The following CHRDL1 variants were observed in gnomAD, a reference collection of about 807,000 sequenced individuals.
CHRDL1 encodes chordin like 1, also known as chordin-like protein 1.
CHRDL1 carries 19 observed loss-of-function variants against 40.9 expected under a neutral mutation model. The observed-to-expected ratio is 0.46, with a 90% CI of 0.32 to 0.68. CHRDL1 has a LOEUF of 0.68. CHRDL1 is among the 30% of genes least tolerant of loss of function. The pLI, the probability that CHRDL1 is intolerant of heterozygous loss-of-function variation, is 0.03. For missense variants in CHRDL1, 329 were observed against 352.1 expected (o/e 0.93, Z 0.53); for synonymous variants, 136 against 123.4 (o/e 1.10, Z -0.68).
rs58362602 is a variant in CHRDL1, at chrX:110,776,456, A to G, written c.95-13649T>C. On this transcript the variant is annotated intron_variant, in intron 2 of 11. Coordinates refer to ENST00000372042, the MANE Select transcript of CHRDL1 (RefSeq NM_001143981.2). Reference sequence around the variant, plus strand: ...CAAATTCTCTCACTTTTTGTCTGAGAAAGTCTTTACTTATCATTTATTTTT... The same window carrying G: ...CAAATTCTCTCACTTTTTGTCTGAGGAAGTCTTTACTTATCATTTATTTTT... Among the ~76,000 whole-genome samples the G allele has an allele frequency of 2.2e-3, 243 of 111,618 alleles. 1 individual carries two copies. Among genetic ancestry groups the G allele is most frequent in the African/African-American group, 7.7e-3 (238 of 30,910 alleles).
At chrX:110,763,131 T>C (rs1224055129) in intron 2 of CHRDL1, among the ~76,000 whole-genome samples, 1 of 111,419 alleles carries the variant, frequency 9.0e-6, no homozygotes, top group Non-Finnish European at 1.9e-5. Flanking sequence ...TTAAATTTAA[T>C]TTTATTTTTC....
intron 4 of CHRDL1, among the ~76,000 whole-genome samples, chrX:110,734,241 G>A (rs1254952782): frequency 1.8e-5 from 2 of 111,542 alleles, no homozygotes; most frequent in Non-Finnish European, 3.8e-5. Context: ...TACAAAGCAG[G>A]GGGGCTGAGG....
chrX:110,686,389 C>T (rs1223691520), intron 9 of CHRDL1, among the ~76,000 whole-genome samples: 1 of 111,815 alleles, frequency 8.9e-6, no homozygotes, highest in Non-Finnish European at 1.9e-5. Flanking sequence ...GAATATTATA[C>T]AATGAGAGGG....
intron 5 of CHRDL1, among the ~76,000 whole-genome samples, chrX:110,720,675 G>C (rs1368021612): frequency 9.0e-6 from 1 of 111,638 alleles, no homozygotes; most frequent in Non-Finnish European, 1.9e-5. Flanking sequence ...AGCTTCCCTT[G>C]ACAATCCAGT....
At chrX:110,723,671 A>C (rs767837995) in intron 4 of CHRDL1, among the ~76,000 whole-genome samples, 2 of 112,134 alleles carry the variant, frequency 1.8e-5, no homozygotes, top group Admixed American at 1.9e-4. Flanking sequence ...ATTAAAAACC[A>C]AAACCCAAAC....
intron 4 of CHRDL1, among the ~76,000 whole-genome samples, chrX:110,748,503 T>C (rs2089297796): frequency 1.8e-5 from 2 of 111,762 alleles, no homozygotes; most frequent in South Asian, 3.8e-4. Context: ...TTGTCAGGCC[T>C]GTCATTTTCA....
chrX:110,759,639 A>G, intron 4 of CHRDL1, 22 bp downstream of exon 4: 1 of 1,070,489 alleles, frequency 9.3e-7, no homozygotes, highest in Non-Finnish European at 1.3e-6. Context: ...CAGCTAGGAA[A>G]GAAAGAGACA....
intron 7 of CHRDL1, among the ~76,000 whole-genome samples, chrX:110,699,162 A>G (rs961258133): frequency 3.6e-5 from 4 of 112,017 alleles, no homozygotes; most frequent in Non-Finnish European, 7.5e-5. Context: ...TTCTGCAACT[A>G]TTCAGAAACA....
rs1176707098 is a variant in CHRDL1, at chrX:110,711,292, A to AT, written c.541+8542dup. On this transcript the variant is annotated intron_variant, in intron 6 of 11. Coordinates refer to ENST00000372042, the MANE Select transcript of CHRDL1 (RefSeq NM_001143981.2). ...CTCAAAAATTACTGAGTTAATTTTA[A>AT]TTTTTTTTATTTTATTGTGGTAAGG... 5.4e-5 allele frequency among the ~76,000 whole-genome samples: 6 copies of AT among 111,330 alleles called. No individual in the cohort carries two copies. In the East Asian group the frequency reaches 1.1e-3, roughly 21 times the overall value.
At chrX:110,779,921 C>T (rs1484927138) in intron 2 of CHRDL1, among the ~76,000 whole-genome samples, 1 of 111,492 alleles carries the variant, frequency 9.0e-6, no homozygotes, top group East Asian at 2.8e-4. Flanking sequence ...ACACCTGTTT[C>T]ATTTTAATGA....
Position 110,689,752 on chromosome X carries a change from T to C in CHRDL1, c.779-949A>G, listed in dbSNP as rs12845583. ...ATCTATATATCTATATATATCTATA[T>C]ATCTATATATCTATATATATCTATA... On this transcript the variant is annotated intron_variant, in intron 8 of 11. Transcript: ENST00000372042. 2.8e-3 allele frequency among the ~76,000 whole-genome samples: 131 copies of C among 46,917 alleles called. 12 individuals are homozygous for C. The highest frequency in any genetic ancestry group is 0.014 in the African/African-American group (100 of 7,074). 40.7% of individuals were successfully genotyped at this position (46,917 alleles called of 115,157 possible).
At chrX:110,696,056 G>A (rs1280683011) in intron 7 of CHRDL1, among the ~76,000 whole-genome samples, 1 of 111,517 alleles carries the variant, frequency 9.0e-6, no homozygotes, top group Non-Finnish European at 1.9e-5. Context: ...GCCATTATAG[G>A]TTGCTCTGTC....
intron 4 of CHRDL1, among the ~76,000 whole-genome samples, chrX:110,756,933 T>C (rs1365996575): frequency 1.8e-5 from 2 of 111,824 alleles, no homozygotes; most frequent in Non-Finnish European, 3.8e-5. Flanking sequence ...CAATAACAGG[T>C]TATAAATTAG....
chrX:110,747,022 C>A (rs891974342), intron 4 of CHRDL1, among the ~76,000 whole-genome samples: 2 of 109,986 alleles, frequency 1.8e-5, no homozygotes, highest in East Asian at 5.7e-4. Flanking sequence ...CAGAGCGAGG[C>A]CCCATCTCTT....
At chrX:110,744,555 C>T (rs1273620837) in intron 4 of CHRDL1, among the ~76,000 whole-genome samples, 1 of 111,593 alleles carries the variant, frequency 9.0e-6, no homozygotes, top group African/African-American at 3.3e-5. Context: ...TTTCTACCTG[C>T]CATGTGTTCC....
Position 110,765,080 on chromosome X carries a change from G to A in CHRDL1, c.95-2273C>T, listed in dbSNP as rs190753055. On this transcript the variant is annotated intron_variant, in intron 2 of 11. Coordinates refer to ENST00000372042, the MANE Select transcript of CHRDL1 (RefSeq NM_001143981.2). ...ACCCTTATCAGGAGTTTCTGATTTT[G>A]CCCTTGTCCTGTTTCCTCAGAAGCA... Among the ~76,000 whole-genome samples, 8 of 111,596 alleles carry A rather than the reference G, an allele frequency of 7.2e-5. No individual in the cohort carries two copies. In the East Asian group the frequency reaches 2.3e-3, roughly 32 times the overall value.
chrX:110,689,072 G>GTATATATATATATATATATATATA (rs758293619), intron 8 of CHRDL1, among the ~76,000 whole-genome samples: 1 of 31,162 alleles, frequency 3.2e-5, no homozygotes, highest in African/African-American at 2.5e-4. Context: ...ATATATATAT[G>GTATATATATATATATATATATATA]TATATATATA....
At chrX:110,691,957 T>C (rs761728351) in intron 8 of CHRDL1, among the ~76,000 whole-genome samples, 1 of 109,396 alleles carries the variant, frequency 9.1e-6, no homozygotes, top group East Asian at 2.9e-4. Flanking sequence ...ACAGTAACGT[T>C]CCCTTCTAGA....
At chrX:110,767,931 A>G (rs1448795674) in intron 2 of CHRDL1, among the ~76,000 whole-genome samples, 1 of 112,250 alleles carries the variant, frequency 8.9e-6, no homozygotes, top group Non-Finnish European at 1.9e-5. Flanking sequence ...AAGCAGGACT[A>G]AGCAAAAAGA....
Sources: allele counts gnomAD v4.1 joint callset (sites outside exome capture counted in the v4.1 genomes callset), GRCh38; gene constraint gnomAD v4.1.1; transcripts MANE v1.5; gene names NCBI Gene and HGNC (gene_info 2026-07-23, HGNC 2026-07-21).